Variants in FGF14 observed in about 807,000 individuals in gnomAD.
FGF14 encodes fibroblast growth factor homologous factor 4.
FGF14 carries 5 observed loss-of-function variants against 25.5 expected under a neutral mutation model. That is an observed-to-expected ratio of 0.20 (90% CI 0.10 to 0.41). The LOEUF (loss-of-function observed/expected upper bound fraction) is 0.41, where lower values mean the gene tolerates loss of function less well. Among genes scored for constraint, FGF14 ranks in the 10% least tolerant of loss-of-function variants. The pLI is 1.00. For missense variants in FGF14, 222 were observed against 320.1 expected (o/e 0.69, Z 2.34); for synonymous variants, 138 against 118.3 (o/e 1.17, Z -1.08).
intron 1 of FGF14, among the ~76,000 whole-genome samples, chr13:102,104,759 C>A (rs1231761864): frequency 6.6e-6 from 1 of 152,142 alleles, no homozygotes; most frequent in East Asian, 1.9e-4. Flanking sequence ...GCACTCCAGC[C>A]TGGACAACAG....
chr13:101,740,795 T>G (rs888236376), intron 3 of FGF14, among the ~76,000 whole-genome samples: 1 of 152,194 alleles, frequency 6.6e-6, no homozygotes, highest in Non-Finnish European at 1.5e-5. Context: ...TAGTAACCTG[T>G]TTTTTATTTT....
At chr13:102,161,709 G>GAAGAAGAAGAAGAAGAAT (rs1566766045) in intron 1 of FGF14, among the ~76,000 whole-genome samples, 1 of 149,004 alleles carries the variant, frequency 6.7e-6, no homozygotes, top group Non-Finnish European at 1.5e-5. Flanking sequence ...AGAAGAAGAA[G>GAAGAAGAAGAAGAAGAAT]AAGAAGAAGA....
intron 1 of FGF14, among the ~76,000 whole-genome samples, chr13:102,150,657 C>A (rs542947373): frequency 2.0e-5 from 3 of 152,290 alleles, no homozygotes; most frequent in Admixed American, 6.5e-5. Flanking sequence ...TCAGCCTGCT[C>A]ATCTCATTCT....
intron 1 of FGF14, among the ~76,000 whole-genome samples, chr13:102,247,865 T>C (rs2051961528): frequency 6.6e-6 from 1 of 152,116 alleles, no homozygotes; most frequent in African/African-American, 2.4e-5. Flanking sequence ...GTAGGCTGCA[T>C]GAAGAAAATG....
At chr13:102,240,788 A>G (rs1424163918) in intron 1 of FGF14, among the ~76,000 whole-genome samples, 1 of 152,196 alleles carries the variant, frequency 6.6e-6, no homozygotes, top group African/African-American at 2.4e-5. Context: ...TTCCAGAAGG[A>G]TTGAAGATGC....
intron 1 of FGF14, among the ~76,000 whole-genome samples, chr13:102,361,304 T>C (rs1420416634): frequency 6.6e-6 from 1 of 152,100 alleles, no homozygotes; most frequent in Non-Finnish European, 1.5e-5. Context: ...GGCAGAATAT[T>C]ATTCACCTGA....
intron 3 of FGF14, among the ~76,000 whole-genome samples, chr13:101,839,144 C>T (rs2140310916): frequency 6.6e-6 from 1 of 152,108 alleles, no homozygotes; most frequent in Admixed American, 6.6e-5. Flanking sequence ...TTTCTAGAAC[C>T]TAATAATTTT....
chr13:102,394,334 G>T (rs1188473205), intron 1 of FGF14: 1 of 152,374 alleles, frequency 6.6e-6, no homozygotes, highest in African/African-American at 2.4e-5. Flanking sequence ...GTGCCCCCGC[G>T]TCAACGCCGG....
intron 1 of FGF14, among the ~76,000 whole-genome samples, chr13:102,348,042 A>G (rs56024494): frequency 2.0e-5 from 3 of 151,840 alleles, no homozygotes; most frequent in Non-Finnish European, 2.9e-5. Flanking sequence ...AGCACATCTC[A>G]TGAGGATGTG....
At chr13:102,215,592 G>A (rs1402966484) in intron 1 of FGF14, among the ~76,000 whole-genome samples, 3 of 152,076 alleles carry the variant, frequency 2.0e-5, no homozygotes, top group Non-Finnish European at 2.9e-5. Flanking sequence ...GGTCCTAACA[G>A]CCAGGTTAAA....
At chr13:102,033,760 A>T (rs1566598938) in intron 1 of FGF14, among the ~76,000 whole-genome samples, 1 of 152,158 alleles carries the variant, frequency 6.6e-6, no homozygotes, top group Non-Finnish European at 1.5e-5. Flanking sequence ...TATCAATTTT[A>T]AAGATTATTT....
intron 1 of FGF14, among the ~76,000 whole-genome samples, chr13:102,172,007 T>C (rs965884688): frequency 7.7e-6 from 1 of 130,324 alleles, no homozygotes; most frequent in Non-Finnish European, 1.6e-5. Flanking sequence ...TATTTATTTA[T>C]TTAGTAGGGA....
At chr13:102,238,778 TTAAAA>T (rs1327213839) in intron 1 of FGF14, among the ~76,000 whole-genome samples, 1 of 152,250 alleles carries the variant, frequency 6.6e-6, no homozygotes, top group African/African-American at 2.4e-5. Context: ...ATTTAAACTA[TTAAAA>T]TAACCTCACA....
At chr13:101,959,793 T>A (rs1363108533) in intron 1 of FGF14, among the ~76,000 whole-genome samples, 1 of 152,244 alleles carries the variant, frequency 6.6e-6, no homozygotes, top group African/African-American at 2.4e-5. Flanking sequence ...TCACTCGCTA[T>A]AGAAGCTCCA....
At chr13:102,206,788 A>G (rs1218091722) in intron 1 of FGF14, among the ~76,000 whole-genome samples, 1 of 152,214 alleles carries the variant, frequency 6.6e-6, no homozygotes, top group African/African-American at 2.4e-5. Context: ...TAGGAATTTG[A>G]ATTATCTTGA....
intron 1 of FGF14, among the ~76,000 whole-genome samples, chr13:101,981,949 G>A (rs2038293538): frequency 1.3e-5 from 2 of 152,126 alleles, no homozygotes; most frequent in Admixed American, 1.3e-4. Context: ...GCTACCATGG[G>A]CATTTACACT....
intron 1 of FGF14, among the ~76,000 whole-genome samples, chr13:101,965,046 C>A (rs35451676): frequency 6.6e-6 from 1 of 151,764 alleles, no homozygotes; most frequent in Non-Finnish European, 1.5e-5. Context: ...GTTCAAAATC[C>A]GCCTGGCCAA....
chr13:102,120,108 T>G (rs1160005683), intron 1 of FGF14, among the ~76,000 whole-genome samples: 2 of 152,086 alleles, frequency 1.3e-5, no homozygotes, highest in Non-Finnish European at 2.9e-5. Flanking sequence ...GAGCTCTTTC[T>G]TCAACTCACT....
At chr13:102,006,905 T>C (rs375360096) in intron 1 of FGF14, among the ~76,000 whole-genome samples, 255 of 149,804 alleles carry the variant, frequency 1.7e-3, no homozygotes, top group African/African-American at 5.7e-3. Flanking sequence ...CCACCGCGCC[T>C]GGCTAATTTT....
Sources: allele counts gnomAD v4.1 joint callset (sites outside exome capture counted in the v4.1 genomes callset), GRCh38; gene constraint gnomAD v4.1.1; transcripts MANE v1.5; gene names NCBI Gene and HGNC (gene_info 2026-07-23, HGNC 2026-07-21).